Variants in DMRT2 observed in about 807,000 individuals in gnomAD.
The protein encoded by DMRT2 is doublesex- and mab-3-related transcription factor 2.
Under a neutral mutation model 43.5 loss-of-function variants are expected in DMRT2, and 33 were observed. That is an observed-to-expected ratio of 0.76 (90% confidence interval 0.58 to 1.01). The LOEUF (loss-of-function observed/expected upper bound fraction) is 1.01. Among genes scored for constraint, DMRT2 ranks in the 50% least tolerant of loss-of-function variants. The pLI, the probability that DMRT2 is intolerant of heterozygous loss-of-function variation, is 0.00. For synonymous variants in DMRT2, 395 were observed against 309.2 expected (o/e 1.28, Z -2.91); for missense variants, 1,064 against 748.0 (o/e 1.42, Z -4.93).
intron 3 of DMRT2, among the ~76,000 whole-genome samples, chr9:1,055,264 G>A (rs950057025): frequency 3.9e-5 from 6 of 152,100 alleles, no homozygotes; most frequent in African/African-American, 1.2e-4. Flanking sequence ...ATATAACAAT[G>A]GATGCTTCAA....
rs1219928742 is a variant in DMRT2 at position 1,051,935 on chromosome 9, G to A, written c.322G>A (p.Ala108Thr). The A allele has an allele frequency of 2.2e-6, 3 of 1,362,834 alleles. No individual in the cohort carries two copies. The highest frequency in any genetic ancestry group is 2.8e-6 in the Non-Finnish European group (3 of 1,067,142). The allele number at this position is 1,362,834 out of a possible 1,614,324, so 84.4% of individuals were successfully genotyped here. A position where few individuals can be genotyped will look rare whatever the true frequency, so the allele number is the denominator to read the frequency against. ...CGGTCCCCGAGAGCGCTGCACTCCC[G>A]CGGGCGGCGGCGCGGAGCCGCGCAA... is the stretch of plus-strand genomic sequence containing the variant. ...GTGPRERCTPAGGGAEPRKLS... is the reference protein window; with the variant it reads ...GTGPRERCTPTGGGAEPRKLS... Residue 108 changes from alanine (A) to threonine (T), a missense_variant, in exon 2 of 4, where the codon GCG (alanine) becomes ACG (threonine). Coordinates refer to ENST00000358146, the MANE Select transcript of DMRT2 (RefSeq NM_181872.6). This position sits in a 1 kb window ranked among gnomAD's most constrained non-coding sequence, Gnocchi z 5.9.
chr9:1,056,337 GGAGA>G lies in DMRT2; in HGVS notation c.755_758del (p.Arg252AsnfsTer57). Reference sequence around the variant, plus strand: ...ATAAAGAGTTGGAGAACATTATGCTGGAGAGAGAATATAAAGAAAGGGAGATGTT... The same window carrying G: ...ATAAAGAGTTGGAGAACATTATGCTGGAGAATATAAAGAAAGGGAGATGTT... On this transcript the variant is annotated frameshift_variant, in exon 4 of 4. Transcript: ENST00000358146. LOFTEE classifies it high-confidence loss of function. The G allele has an allele frequency of 6.2e-7, 1 of 1,614,154 alleles. No individual in the cohort carries two copies. The highest frequency in any genetic ancestry group is 8.5e-7 in the Non-Finnish European group (1 of 1,180,038).
At chr9:1,054,503 A>G (rs1343316479) in intron 3 of DMRT2, 1 of 152,080 alleles carries the variant, frequency 6.6e-6, no homozygotes, top group East Asian at 1.9e-4. Context: ...AATCTGAAAA[A>G]GGTTTCGAAT....
At chr9:1,052,243 G>A (rs1821648267) in intron 2 of DMRT2, 105 bp downstream of exon 2, 3 of 875,448 alleles carry the variant, frequency 3.4e-6, no homozygotes, top group Non-Finnish European at 4.7e-6. Flanking sequence ...GCCTTGCGGT[G>A]CCTGGCACTC....
At chr9:1,055,695 A>ACTTT in intron 3 of DMRT2, 2 of 1,479,670 alleles carry the variant, frequency 1.4e-6, no homozygotes, top group Non-Finnish European at 1.8e-6. Flanking sequence ...ATCTCCTTTA[A>ACTTT]CTTTCTTTCT....
chr9:1,056,260 C>T lies in DMRT2; in HGVS notation c.673C>T (p.Pro225Ser), dbSNP rs778341971. The T allele has an allele frequency of 5.5e-5, 89 of 1,613,956 alleles. No homozygotes were observed. In the South Asian group the frequency reaches 9.7e-4, roughly 18 times the overall value. Residue 225 changes from proline to serine, a missense_variant, in exon 4 of 4, where the codon CCT becomes TCT. Pro to Ser is a moderately conservative substitution (Grantham distance 74). Transcript: ENST00000358146. ...PAETYVGGTF[P>S]LPPPVSDRMR... is the part of the protein sequence containing the mutation. ...GGAGACTTATGTAGGAGGGACCTTC[C>T]CTCTACCTCCCCCAGTTAGTGACAG...
chr9:1,056,313 T>C lies in DMRT2; in HGVS notation c.726T>C (p.Asp242=), dbSNP rs773514965. Residue 242 remains aspartate (D), a synonymous_variant, in exon 4 of 4, where the codon GAT becomes GAC. Transcript: ENST00000358146. ...TGAGGAAAAGAAGAGCCTTTGCTGA[T>C]AAAGAGTTGGAGAACATTATGCTGG... ...DRMRKRRAFA[D]KELENIMLER... is the part of the protein sequence containing the mutation. The C allele has an allele frequency of 6.2e-7, 1 of 1,614,208 alleles. No individual in the cohort carries two copies. The highest frequency in any genetic ancestry group is 8.5e-7 in the Non-Finnish European group (1 of 1,180,040).
At chr9:1,054,130 G>A (rs1386870240) in intron 3 of DMRT2, among the ~76,000 whole-genome samples, 1 of 152,198 alleles carries the variant, frequency 6.6e-6, no homozygotes, top group Non-Finnish European at 1.5e-5. Flanking sequence ...TTATTTGGTT[G>A]TCTGCTTAGT....
chr9:1,056,738 A>C lies in DMRT2; in HGVS notation c.1151A>C (p.Gln384Pro). The C allele has an allele frequency of 1.9e-6, 3 of 1,614,154 alleles. No individual in the cohort carries two copies. The highest frequency in any genetic ancestry group is 2.5e-6 in the Non-Finnish European group (3 of 1,180,028). Residue 384 changes from glutamine to proline, a missense_variant, in exon 4 of 4, where the codon CAG becomes CCG. Gln to Pro is a moderately conservative substitution (Grantham distance 76). Transcript: ENST00000358146. ...TGGGACTTGAAGGGAGCACGAGTCC[A>C]GGATGGACTCAGTGCAGAGCAGGAC... ...ASWDLKGARV[Q>P]DGLSAEQDMM...
rs752382017 is a variant in DMRT2, at chr9:1,056,261, C to G, written c.674C>G (p.Pro225Arg). The change falls in exon 4 of 4, where the codon CCT becomes CGT. Residue 225 changes from proline (P) to arginine (R), a missense_variant. Transcript: ENST00000358146. The part of the protein sequence containing the change: ...PAETYVGGTF[P>R]LPPPVSDRMR... Reference sequence around the variant, plus strand: ...GAGACTTATGTAGGAGGGACCTTCCCTCTACCTCCCCCAGTTAGTGACAGG... The same window carrying G: ...GAGACTTATGTAGGAGGGACCTTCCGTCTACCTCCCCCAGTTAGTGACAGG... 3 of 1,614,006 alleles carry G rather than the reference C, an allele frequency of 1.9e-6. No individual in the cohort carries two copies. Among genetic ancestry groups the G allele is most frequent in the East Asian group, 2.2e-5 (1 of 44,898 alleles).
Position 1,051,855 on chromosome 9 carries a change from G to A in DMRT2, c.242G>A (p.Arg81Gln). 8 of 1,397,576 alleles carry A rather than the reference G, an allele frequency of 5.7e-6. No homozygotes were observed. The South Asian group carries it at 1.3e-4, about 23-fold the overall frequency. 86.6% of individuals were successfully genotyped at this position (1,397,576 alleles called of 1,614,324 possible). The change falls in exon 2 of 4, where the codon CGG becomes CAG. Residue 81 changes from arginine to glutamine, a missense_variant. Arg to Gln is a conservative substitution (Grantham distance 43). Transcript: ENST00000358146. The surrounding 1 kb of genome is among the most constrained non-coding windows in gnomAD (Gnocchi z 5.9). ...SPGMPGQPEQ[R>Q]GGPQPRPPLA... ...GGGATGCCCGGCCAGCCGGAGCAGC[G>A]GGGGGGACCGCAGCCGAGGCCGCCG... is the stretch of plus-strand genomic sequence containing the variant.
Position 1,053,832 on chromosome 9 carries a change from A to C in DMRT2, c.628+8A>C. Reference sequence around the variant, plus strand: ...CCAAAAGCATTTTAGAAGGTAAAGCAACAAAATTATCCTTCAGCCTTTTAA... The same window carrying C: ...CCAAAAGCATTTTAGAAGGTAAAGCCACAAAATTATCCTTCAGCCTTTTAA... On this transcript the variant is annotated splice_region_variant and intron_variant, in intron 3 of 3. Coordinates refer to ENST00000358146, the MANE Select transcript of DMRT2 (RefSeq NM_181872.6). 2 of 1,611,680 alleles carry C rather than the reference A, an allele frequency of 1.2e-6. No individual in the cohort carries two copies. Among genetic ancestry groups the C allele is most frequent in the Non-Finnish European group, 1.7e-6 (2 of 1,177,888 alleles).
chr9:1,052,564 G>A (rs547048408), intron 2 of DMRT2, among the ~76,000 whole-genome samples: 2 of 152,172 alleles, frequency 1.3e-5, no homozygotes, highest in East Asian at 1.9e-4. Flanking sequence ...GAACCACGCA[G>A]CACGCATGCG....
chr9:1,051,471 G>A lies in DMRT2; in HGVS notation c.-44-99G>A. 7.4e-7 allele frequency: 1 copy of A among 1,358,310 alleles called. No individual in the cohort carries two copies. Among genetic ancestry groups the A allele is most frequent in the Non-Finnish European group, 9.5e-7 (1 of 1,049,726 alleles). 84.1% of individuals were successfully genotyped at this position (1,358,310 alleles called of 1,614,324 possible). A position where few individuals can be genotyped will look rare whatever the true frequency, so the allele number is the denominator to read the frequency against. On this transcript the variant is annotated intron_variant, in intron 1 of 3. Transcript: ENST00000358146. The surrounding 1 kb of genome is among the most constrained non-coding windows in gnomAD (Gnocchi z 5.9). Reference sequence around the variant, plus strand: ...ATGTAATGAGAACAGGATGACTCAAGCGGCCGGAGGCGGGCAGACCAGGAG... The same window carrying A: ...ATGTAATGAGAACAGGATGACTCAAACGGCCGGAGGCGGGCAGACCAGGAG...
chr9:1,056,025 G>C (rs1213757485), intron 3 of DMRT2, 191 bp from the exon 4 acceptor site: 1 of 1,420,842 alleles, frequency 7.0e-7, no homozygotes, highest in African/African-American at 1.4e-5. Context: ...TTGCAGTATG[G>C]ATATCTTTCA....
In DMRT2 at chr9:1,056,589, G is replaced by C; in HGVS notation, c.1002G>C (p.Gln334His). ...SNVSVATTYR[Q>H]YPLSSRFLVW... Reference sequence around the variant, plus strand: ...TCAGCGTGGCCACAACTTATAGACAGTATCCCTTGTCCTCAAGATTTTTAG... The same window carrying C: ...TCAGCGTGGCCACAACTTATAGACACTATCCCTTGTCCTCAAGATTTTTAG... The change falls in exon 4 of 4, where the codon CAG (glutamine) becomes CAC (histidine). Residue 334 changes from glutamine to histidine, a missense_variant. Coordinates refer to ENST00000358146, the MANE Select transcript of DMRT2 (RefSeq NM_181872.6). 1 of 1,614,202 alleles carries C rather than the reference G, an allele frequency of 6.2e-7. No individual in the cohort carries two copies.
rs200011939 is a variant in DMRT2 at position 1,053,762 on chromosome 9, G to A, written c.566G>A (p.Arg189His). ...GLSGKQNNFE[R>H]KAVYQRQVRA... ...TCCGGGAAACAGAATAATTTCGAGC[G>A]CAAAGCTGTGTACCAGAGGCAAGTC... The change falls in exon 3 of 4, where the codon CGC becomes CAC. Residue 189 changes from arginine to histidine, a missense_variant. Transcript: ENST00000358146. The A allele has an allele frequency of 1.2e-6, 2 of 1,613,968 alleles. No homozygotes were observed. Among genetic ancestry groups the A allele is most frequent in the Non-Finnish European group, 1.7e-6 (2 of 1,179,958 alleles).
At position 1,055,858 on chromosome 9, in the gene DMRT2, T is replaced by C. The variant is rs1233991267; in HGVS notation, c.629-358T>C. On this transcript the variant is annotated intron_variant, in intron 3 of 3. Coordinates refer to ENST00000358146, the MANE Select transcript of DMRT2 (RefSeq NM_181872.6). ...GACATGGATAATAATAAAACATTGATTGATACAAGATAAATAGTCTTGTCT... is the reference window on the plus strand; with the variant it reads ...GACATGGATAATAATAAAACATTGACTGATACAAGATAAATAGTCTTGTCT... The C allele has an allele frequency of 4.3e-5, 66 of 1,519,558 alleles. 1 individual carries two copies. In the South Asian group the frequency reaches 8.3e-4, roughly 19 times the overall value. 94.1% of individuals were successfully genotyped at this position (1,519,558 alleles called of 1,614,324 possible).
intron 3 of DMRT2, among the ~76,000 whole-genome samples, 174 bp downstream of exon 3, chr9:1,053,998 C>T (rs186792147): frequency 3.3e-5 from 5 of 152,248 alleles, no homozygotes; most frequent in East Asian, 1.9e-4. Flanking sequence ...TGAACCCGTA[C>T]GGAGAAGATT....
Sources: allele counts gnomAD v4.1 joint callset (sites outside exome capture counted in the v4.1 genomes callset), GRCh38; gene constraint gnomAD v4.1.1; non-coding constraint Gnocchi (gnomAD v3.1); transcripts MANE v1.5; gene names NCBI Gene and HGNC (gene_info 2026-07-23, HGNC 2026-07-21).